Variants in PDE4D observed in about 807,000 individuals in gnomAD.
The protein encoded by PDE4D is 3',5'-cyclic-AMP phosphodiesterase 4D.
A neutral mutation model predicts 87.4 loss-of-function variants in PDE4D; 24 were observed. The ratio of observed to expected loss-of-function variants is 0.27; its 90% confidence interval spans 0.20 to 0.39. PDE4D has a LOEUF of 0.39. PDE4D is among the 10% of genes least tolerant of loss of function. The probability of loss-of-function intolerance (pLI) is 1.00; values close to 1 mark genes in which losing one functional copy is unlikely to be tolerated. For missense variants in PDE4D, 714 were observed against 1,041.0 expected (o/e 0.69, Z 4.32); for synonymous variants, 384 against 383.2 (o/e 1.00, Z -0.02).
rs555952155 is a variant in PDE4D at position 59,985,345 on chromosome 5, G to A, written c.272+3143C>T. The stretch of plus-strand genomic sequence containing the variant: ...TTTCGTACAGACTGGGTTTCACCGT[G>A]TTAGCCAGGATGGTCTTGATCTCCT... On this transcript the variant is annotated intron_variant, in intron 3 of 16. Coordinates refer to the PDE4D transcript ENST00000502484. Among the ~76,000 whole-genome samples the A allele has an allele frequency of 4.0e-5, 6 of 151,700 alleles. No individual in the cohort carries two copies. In the South Asian group the frequency reaches 1.3e-3, roughly 32 times the overall value.
chr5:60,480,816 T>A (rs1236979146), intron 1 of PDE4D, among the ~76,000 whole-genome samples: 1 of 152,142 alleles, frequency 6.6e-6, no homozygotes, highest in Non-Finnish European at 1.5e-5. Context: ...GTGTTTTCAG[T>A]GCCTCAGGGT....
At chr5:59,249,651 A>T (rs766322197) in intron 1 of PDE4D, among the ~76,000 whole-genome samples, 9 of 152,160 alleles carry the variant, frequency 5.9e-5, no homozygotes, top group Non-Finnish European at 1.3e-4. Context: ...GATATGGAAA[A>T]ATGCTCATGA....
rs529279333 is a variant in PDE4D at position 59,458,499 on chromosome 5, T to G, written c.456-242531A>C. On this transcript the variant is annotated intron_variant, in intron 1 of 14. Transcript: ENST00000340635. ...CCACTGAAACAAAGTAGGCGCTACT[T>G]GCCTGCTTTCTGAATCTGCTTTGTT... Among the ~76,000 whole-genome samples the G allele has an allele frequency of 6.6e-5, 10 of 152,348 alleles. No homozygotes were observed. In the South Asian group the frequency reaches 2.1e-3, roughly 32 times the overall value.
At chr5:59,971,960 T>A (rs1340208960) in intron 3 of PDE4D, among the ~76,000 whole-genome samples, 2 of 152,032 alleles carry the variant, frequency 1.3e-5, no homozygotes, top group Non-Finnish European at 2.9e-5. Flanking sequence ...CAGAATCCAG[T>A]GAAGATAATA....
intron 1 of PDE4D, among the ~76,000 whole-genome samples, chr5:59,678,057 T>C (rs1324989809): frequency 6.6e-6 from 1 of 152,158 alleles, no homozygotes; most frequent in Non-Finnish European, 1.5e-5. Flanking sequence ...CTGAGGTGCC[T>C]GCACAAATCA....
chr5:59,505,945 G>A (rs1030377137), intron 1 of PDE4D, among the ~76,000 whole-genome samples: 6 of 151,866 alleles, frequency 4.0e-5, no homozygotes, highest in Non-Finnish European at 8.8e-5. Flanking sequence ...CAGCTCCATT[G>A]CCCTAAAGAA....
At chr5:59,661,268 G>C (rs1745218225) in intron 1 of PDE4D, among the ~76,000 whole-genome samples, 1 of 151,892 alleles carries the variant, frequency 6.6e-6, no homozygotes, top group South Asian at 2.1e-4. Flanking sequence ...CTTTTCCTTA[G>C]TATTACTTTC....
At chr5:59,249,868 T>C (rs1274934287) in intron 1 of PDE4D, among the ~76,000 whole-genome samples, 1 of 152,128 alleles carries the variant, frequency 6.6e-6, no homozygotes, top group Non-Finnish European at 1.5e-5. Flanking sequence ...TATATGTGTG[T>C]GTGTATGTTT....
intron 2 of PDE4D, among the ~76,000 whole-genome samples, chr5:60,115,295 T>G (rs1778068182): frequency 6.6e-6 from 1 of 152,074 alleles, no homozygotes; most frequent in Non-Finnish European, 1.5e-5. Flanking sequence ...ACTGCTGTGT[T>G]TGGCATCACC....
At chr5:59,383,209 C>T (rs1203562141) in intron 1 of PDE4D, among the ~76,000 whole-genome samples, 1 of 152,104 alleles carries the variant, frequency 6.6e-6, no homozygotes. Flanking sequence ...GTCTTTAGCA[C>T]GGTCTCTACA....
intron 2 of PDE4D, among the ~76,000 whole-genome samples, chr5:59,207,701 AT>A (rs137998063): frequency 0.025 from 3,700 of 149,192 alleles, 155 homozygotes; most frequent in African/African-American, 0.087. Context: ...TTCTCCCTGC[AT>A]TTTTTTTTAA....
rs188780185 is a variant in PDE4D at position 59,243,137 on chromosome 5, T to A, written c.456-27169A>T. On this transcript the variant is annotated intron_variant, in intron 1 of 14. Transcript: ENST00000340635. ...AATGATTCTCGTTTTTACTATAGAG[T>A]CGTATAAGAGAGAAAATATATCACA... Among the ~76,000 whole-genome samples the A allele has an allele frequency of 1.7e-4, 26 of 152,236 alleles. No individual in the cohort carries two copies. In the East Asian group the frequency reaches 4.8e-3, roughly 28 times the overall value.
At chr5:59,279,191 G>A (rs953903186) in intron 1 of PDE4D, among the ~76,000 whole-genome samples, 2 of 151,896 alleles carry the variant, frequency 1.3e-5, no homozygotes, top group Non-Finnish European at 1.5e-5. Flanking sequence ...AAATATTCAG[G>A]CCTCTCAAAT....
chr5:59,046,077 T>C (rs909358824), intron 5 of PDE4D, among the ~76,000 whole-genome samples: 2 of 152,152 alleles, frequency 1.3e-5, no homozygotes, highest in African/African-American at 4.8e-5. Context: ...AATCATACTG[T>C]AATAAGATGG....
At chr5:60,158,170 G>A (rs938778912) in intron 2 of PDE4D, among the ~76,000 whole-genome samples, 1 of 152,150 alleles carries the variant, frequency 6.6e-6, no homozygotes, top group African/African-American at 2.4e-5. Flanking sequence ...TCCATCATAA[G>A]TGATTACGTT....
At chr5:59,554,342 G>A (rs556655767) in intron 1 of PDE4D, among the ~76,000 whole-genome samples, 2 of 152,182 alleles carry the variant, frequency 1.3e-5, no homozygotes, top group African/African-American at 4.8e-5. Context: ...GTATCATGAT[G>A]GCCCCCATCC....
intron 1 of PDE4D, among the ~76,000 whole-genome samples, chr5:59,777,494 G>T (rs1286130078): frequency 6.6e-6 from 1 of 152,184 alleles, no homozygotes; most frequent in Non-Finnish European, 1.5e-5. Context: ...AACATTGATG[G>T]ACCTACAAAT....
intron 5 of PDE4D, among the ~76,000 whole-genome samples, chr5:59,144,003 C>T (rs1778269485): frequency 6.6e-6 from 1 of 152,334 alleles, no homozygotes; most frequent in South Asian, 2.1e-4. Context: ...CCTTCACAAT[C>T]ACATGTTTTC....
intron 1 of PDE4D, among the ~76,000 whole-genome samples, chr5:59,877,973 C>G (rs1748863581): frequency 6.6e-6 from 1 of 151,992 alleles, no homozygotes; most frequent in Non-Finnish European, 1.5e-5. Flanking sequence ...TGAAGAATTT[C>G]CAGTGATAGA....
Sources: gnomAD v4.1 joint callset for allele counts (sites outside exome capture counted in the v4.1 genomes callset) on GRCh38, gnomAD v4.1.1 for gene constraint, MANE v1.5 for transcripts, NCBI Gene and HGNC (gene_info 2026-07-23, HGNC 2026-07-21) for gene names.